Variants in C8orf76 observed in about 807,000 individuals in gnomAD.
The protein encoded by C8orf76 is chromosome 8 open reading frame 76.
C8orf76 carries 46 observed loss-of-function variants against 38.1 expected under a neutral mutation model. That is an observed-to-expected ratio of 1.21 (90% CI 0.95 to 1.54). The LOEUF is 1.54. C8orf76 is among the 40% of genes most tolerant of loss of function. C8orf76 has a pLI of 0.00. For missense variants in C8orf76, 461 were observed against 441.6 expected, an observed-to-expected ratio of 1.04 and a Z score of -0.39; for synonymous variants, 166 against 167.5, an observed-to-expected ratio of 0.99 and a Z score of 0.07.
Position 123,241,339 on chromosome 8 carries a change from G to T in C8orf76, c.8C>A (p.Ser3Tyr). Residue 3 changes from serine to tyrosine, a missense_variant, in exon 1 of 6, where the codon TCC (serine) becomes TAC (tyrosine). Physicochemically the swap from Ser to Tyr is moderately radical, Grantham distance 144. Coordinates refer to ENST00000276704, the MANE Select transcript of C8orf76 (RefSeq NM_032847.3). ...CTCGCCGCCGAACAACCAGCACCCG[G>T]AATCCATCTCGCGCCCGCGGCGGGG... MD[S>Y]GCWLFGGEFE... 2 of 1,562,690 alleles carry T rather than the reference G, an allele frequency of 1.3e-6. No individual in the cohort carries two copies. The highest frequency in any genetic ancestry group is 8.6e-7 in the Non-Finnish European group (1 of 1,161,540).
At chr8:123,230,752 C>T (rs960159609) in intron 4 of C8orf76, among the ~76,000 whole-genome samples, 1 of 152,014 alleles carries the variant, frequency 6.6e-6, no homozygotes. Context: ...CCGGGTTCAG[C>T]GATTCCCCTG....
At chr8:123,221,729 T>C (rs1824898894) in intron 5 of C8orf76, among the ~76,000 whole-genome samples, 1 of 151,788 alleles carries the variant, frequency 6.6e-6, no homozygotes, top group Non-Finnish European at 1.5e-5. Context: ...AATGAACCAC[T>C]GTGCCCGGCC....
chr8:123,226,723 T>A, intron 4 of C8orf76, 91 bp from the exon 5 acceptor site: 1 of 1,484,878 alleles, frequency 6.7e-7, no homozygotes, highest in South Asian at 1.4e-5. Flanking sequence ...AAAGCCCAGG[T>A]ATTGAGTCGG....
intron 5 of C8orf76, among the ~76,000 whole-genome samples, chr8:123,222,277 C>G (rs570955816): frequency 1.8e-4 from 27 of 152,366 alleles, no homozygotes; most frequent in African/African-American, 6.5e-4. Context: ...CGCCACCGCG[C>G]CCGGCAGGCA....
At chr8:123,225,141 G>A (rs1325090438) in intron 5 of C8orf76, among the ~76,000 whole-genome samples, 3 of 152,126 alleles carry the variant, frequency 2.0e-5, no homozygotes, top group Non-Finnish European at 4.4e-5. Flanking sequence ...GAGTAGCTGG[G>A]ATTACAGGTG....
At chr8:123,229,801 GA>G (rs1184352673) in intron 4 of C8orf76, among the ~76,000 whole-genome samples, 1 of 152,158 alleles carries the variant, frequency 6.6e-6, no homozygotes, top group Non-Finnish European at 1.5e-5. Context: ...TGGATCACCT[GA>G]GGTCAGGAGT....
intron 3 of C8orf76, 98 bp downstream of exon 3, chr8:123,237,700 T>C: frequency 7.0e-7 from 1 of 1,434,894 alleles, no homozygotes; most frequent in Non-Finnish European, 9.2e-7. Context: ...AACCCATAGA[T>C]TTTGCTACTA....
At chr8:123,238,807 G>A in intron 2 of C8orf76, 1 of 425,874 alleles carries the variant, frequency 2.3e-6, no homozygotes, top group Admixed American at 3.6e-5. Flanking sequence ...GAACCTTGAG[G>A]AATAAACCTA....
At chr8:123,223,537 GGCAGAGGCT>G (rs1348808220) in intron 5 of C8orf76, among the ~76,000 whole-genome samples, 4 of 152,198 alleles carry the variant, frequency 2.6e-5, no homozygotes, top group Non-Finnish European at 4.4e-5. Context: ...GAACCTGGAA[GGCAGAGGCT>G]GCAGTGAGCC....
chr8:123,239,153 C>A lies in C8orf76; in HGVS notation c.118-9G>T. ...GTTTCTTCATAAAACCACTTGAAAT[C>A]ATGAAAATAGCCTATTACAGAGTGA... On this transcript the variant is annotated splice_polypyrimidine_tract_variant and intron_variant, in intron 1 of 5. Coordinates refer to ENST00000276704, the MANE Select transcript of C8orf76 (RefSeq NM_032847.3). 1.2e-6 allele frequency: 2 copies of A among 1,613,670 alleles called. No individual in the cohort carries two copies. The highest frequency in any genetic ancestry group is 2.2e-5 in the East Asian group (1 of 44,858).
At chr8:123,227,367 C>T (rs1273546595) in intron 4 of C8orf76, among the ~76,000 whole-genome samples, 1 of 151,950 alleles carries the variant, frequency 6.6e-6, no homozygotes, top group African/African-American at 2.4e-5. Flanking sequence ...TGGAACATGC[C>T]CAACACTACG....
At chr8:123,221,029 G>A (rs922963433) in intron 5 of C8orf76, among the ~76,000 whole-genome samples, 1 of 152,212 alleles carries the variant, frequency 6.6e-6, no homozygotes, top group African/African-American at 2.4e-5. Context: ...GGGAATTTAA[G>A]TTCCACATAG....
Position 123,241,226 on chromosome 8 carries a change from T to G in C8orf76, c.117+4A>C, listed in dbSNP as rs1368096061. ...GATAAGGCGAAGAGGCCCCAGCTTC[T>G]CACCTGCGGCTCGCAGAGCTTGGCG... On this transcript the variant is annotated splice_donor_region_variant and intron_variant, in intron 1 of 5. Coordinates refer to ENST00000276704, the MANE Select transcript of C8orf76 (RefSeq NM_032847.3). The G allele has an allele frequency of 6.3e-7, 1 of 1,587,086 alleles. No individual in the cohort carries two copies. Among genetic ancestry groups the G allele is most frequent in the South Asian group, 1.1e-5 (1 of 89,422 alleles).
At chr8:123,235,024 A>G (rs546148130) in intron 3 of C8orf76, among the ~76,000 whole-genome samples, 1 of 152,300 alleles carries the variant, frequency 6.6e-6, no homozygotes, top group East Asian at 1.9e-4. Context: ...CTAGATGAGC[A>G]CTGCATGTAC....
intron 4 of C8orf76, 65 bp from the exon 5 acceptor site, chr8:123,226,697 G>A (rs181405663): frequency 2.1e-5 from 32 of 1,516,264 alleles, no homozygotes; most frequent in African/African-American, 5.6e-5. Flanking sequence ...AAGGAAAGCC[G>A]CGAGGAAATG....
chr8:123,230,600 C>T (rs1825216686), intron 4 of C8orf76, among the ~76,000 whole-genome samples: 1 of 151,772 alleles, frequency 6.6e-6, no homozygotes, highest in Admixed American at 6.6e-5. Flanking sequence ...ATCATTCCAT[C>T]TCAGCCTCCT....
Position 123,241,362 on chromosome 8 carries a change from G to A in C8orf76, c.-16C>T, listed in dbSNP as rs774902643. 1.3e-6 allele frequency: 2 copies of A among 1,542,674 alleles called. No individual in the cohort carries two copies. Among genetic ancestry groups the A allele is most frequent in the Admixed American group, 2.2e-5 (1 of 45,330 alleles). ...CGGAATCCATCTCGCGCCCGCGGCG[G>A]GGGCAACGAGGAAGCGGGGCCCGCC... On this transcript the variant is annotated 5_prime_UTR_variant, in exon 1 of 6. Transcript: ENST00000276704.
chr8:123,229,159 C>T (rs1474112598), intron 4 of C8orf76, among the ~76,000 whole-genome samples: 1 of 152,212 alleles, frequency 6.6e-6, no homozygotes, highest in Admixed American at 6.5e-5. Flanking sequence ...CCCCTCTGGG[C>T]GGTGCCTTCT....
chr8:123,241,207 G>C, intron 1 of C8orf76, 23 bp downstream of exon 1: 2 of 1,571,400 alleles, frequency 1.3e-6, no homozygotes, highest in South Asian at 2.3e-5. Context: ...CCGGGATAAG[G>C]CGAAGAGGCC....
Sources: allele counts gnomAD v4.1 joint callset (sites outside exome capture counted in the v4.1 genomes callset), GRCh38; gene constraint gnomAD v4.1.1; transcripts MANE v1.5; gene names NCBI Gene and HGNC (gene_info 2026-07-23, HGNC 2026-07-21).